The following CAMK1D variants were observed in gnomAD, a reference collection of about 807,000 sequenced individuals.
CAMK1D encodes the protein calcium/calmodulin-dependent protein kinase type 1D.
CAMK1D carries 9 observed loss-of-function variants against 47.7 expected under a neutral mutation model. The observed-to-expected ratio is 0.19, with a 90% CI of 0.11 to 0.33. CAMK1D has a LOEUF of 0.33. CAMK1D is among the 10% of genes least tolerant of loss of function. CAMK1D has a pLI of 1.00. For synonymous variants in CAMK1D, 184 were observed against 184.9 expected, an observed-to-expected ratio of 0.99 and a Z score of 0.04; for missense variants, 291 against 488.7, an observed-to-expected ratio of 0.60 and a Z score of 3.81.
chr10:12,415,813 TC>T (rs1839828301), intron 1 of CAMK1D: 1 of 151,826 alleles, frequency 6.6e-6, no homozygotes, highest in African/African-American at 2.4e-5. Flanking sequence ...CTTTTTTTTT[TC>T]TTTTTTTCTG....
Position 12,385,089 on chromosome 10 carries a change from A to G in CAMK1D, c.92+35179A>G, listed in dbSNP as rs556372669. On this transcript the variant is annotated intron_variant, in intron 1 of 10. Transcript: ENST00000619168. ...TACCCGCTAGGATGACTGTAATAAA[A>G]AGATAGATAATAACAAGTGTTGGTG... is the stretch of plus-strand genomic sequence containing the variant. 3.3e-5 allele frequency among the ~76,000 whole-genome samples: 5 copies of G among 152,348 alleles called. No homozygotes were observed. The South Asian group carries it at 1.0e-3, about 32-fold the overall frequency.
At chr10:12,360,222 G>A (rs983590981) in intron 1 of CAMK1D, among the ~76,000 whole-genome samples, 14 of 152,118 alleles carry the variant, frequency 9.2e-5, no homozygotes, top group African/African-American at 3.4e-4. Context: ...AATTGGATTT[G>A]GTGCTGTAAA....
At chr10:12,372,007 C>G (rs1213048647) in intron 1 of CAMK1D, among the ~76,000 whole-genome samples, 1 of 152,112 alleles carries the variant, frequency 6.6e-6, no homozygotes, top group African/African-American at 2.4e-5. Context: ...GCACCTTTTC[C>G]GTATCTTGAT....
chr10:12,352,346 A>G (rs1837378483), intron 1 of CAMK1D, among the ~76,000 whole-genome samples: 1 of 152,182 alleles, frequency 6.6e-6, no homozygotes, highest in African/African-American at 2.4e-5. Flanking sequence ...GTGGTGGCTC[A>G]CACCTGTAAT....
At chr10:12,649,572 A>C (rs1839903441) in intron 2 of CAMK1D, among the ~76,000 whole-genome samples, 7 of 152,212 alleles carry the variant, frequency 4.6e-5, no homozygotes, top group African/African-American at 1.7e-4. Flanking sequence ...CTAATTCTGG[A>C]GATATAGGAA....
chr10:12,717,559 C>G (rs139898068), intron 3 of CAMK1D, among the ~76,000 whole-genome samples: 1 of 151,736 alleles, frequency 6.6e-6, no homozygotes, highest in East Asian at 1.9e-4. Flanking sequence ...TTTGACCAGC[C>G]CAGGCAACAT....
At chr10:12,371,756 C>T (rs967187058) in intron 1 of CAMK1D, among the ~76,000 whole-genome samples, 14 of 151,530 alleles carry the variant, frequency 9.2e-5, no homozygotes, top group African/African-American at 1.5e-4. Context: ...ATTAGCTGGG[C>T]GTGGTGGTCA....
In CAMK1D at chr10:12,703,977, T is replaced by C. The variant is rs186997009; in HGVS notation, c.299+37167T>C. Among the ~76,000 whole-genome samples, 599 of 152,300 alleles carry C rather than the reference T, an allele frequency of 3.9e-3. 7 individuals are homozygous for C. Among genetic ancestry groups the C allele is most frequent in the African/African-American group, 0.013 (553 of 41,560 alleles). ...AGGTTTGCATTCCATAGATGAATCA[T>C]GCAGGGTTGCATACTTGAGTCACTC... On this transcript the variant is annotated intron_variant, in intron 3 of 10. Coordinates refer to ENST00000619168, the MANE Select transcript of CAMK1D (RefSeq NM_153498.4).
intron 1 of CAMK1D, among the ~76,000 whole-genome samples, chr10:12,390,174 T>G (rs993600410): frequency 1.3e-5 from 2 of 152,202 alleles, no homozygotes; most frequent in Non-Finnish European, 2.9e-5. Flanking sequence ...TGCAAAATTT[T>G]CATACTGCAT....
intron 3 of CAMK1D, among the ~76,000 whole-genome samples, chr10:12,723,183 G>C (rs1834471816): frequency 6.6e-6 from 1 of 152,166 alleles, no homozygotes; most frequent in African/African-American, 2.4e-5. Flanking sequence ...AATTAATTGA[G>C]AATTTATCAT....
intron 1 of CAMK1D, among the ~76,000 whole-genome samples, chr10:12,538,547 T>G (rs1380991823): frequency 1.3e-5 from 2 of 152,196 alleles, no homozygotes; most frequent in African/African-American, 4.8e-5. Flanking sequence ...TACATTTTTG[T>G]GTGTATGGTT....
At chr10:12,632,633 A>C (rs373354520) in intron 2 of CAMK1D, among the ~76,000 whole-genome samples, 1 of 152,228 alleles carries the variant, frequency 6.6e-6, no homozygotes, top group African/African-American at 2.4e-5. Flanking sequence ...TGAAACTCCA[A>C]GAGTTTGGAG....
intron 2 of CAMK1D, among the ~76,000 whole-genome samples, chr10:12,593,904 C>T (rs185330086): frequency 3.9e-5 from 6 of 152,176 alleles, no homozygotes; most frequent in Non-Finnish European, 8.8e-5. Flanking sequence ...TGGCCAGGCG[C>T]GGTGGCTCAC....
chr10:12,518,418 T>A (rs1460031888), intron 1 of CAMK1D, among the ~76,000 whole-genome samples: 1 of 152,246 alleles, frequency 6.6e-6, no homozygotes, highest in Non-Finnish European at 1.5e-5. Context: ...CATAATGTTC[T>A]TTTATTAGCC....
In CAMK1D at chr10:12,628,096, A is replaced by AC. The variant is rs768077444; in HGVS notation, c.225-38639dup. ...ACTCTGTCTCAAAAAAAAACAAAAA[A>AC]CAAAAAACAAAACAAAACTGAGTTT... On this transcript the variant is annotated intron_variant, in intron 2 of 10. Transcript: ENST00000619168. Among the ~76,000 whole-genome samples, 105 of 149,806 alleles carry AC rather than the reference A, an allele frequency of 7.0e-4. 1 individual carries two copies. Among genetic ancestry groups the AC allele is most frequent in the Non-Finnish European group, 7.7e-4 (52 of 67,524 alleles).
In CAMK1D at chr10:12,833,370, A is replaced by G. The variant is rs1173782168; in HGVS notation, c.*4483A>G. On this transcript the variant is annotated 3_prime_UTR_variant, in exon 11 of 11. Coordinates refer to ENST00000619168, the MANE Select transcript of CAMK1D (RefSeq NM_153498.4). ...AGTGGATTGATCCTCTCCCCTGTGG[A>G]ATGACAGCTTAACCTGATTAACCCA... 6.6e-6 allele frequency: 1 copy of G among 152,292 alleles called. No individual in the cohort carries two copies. The highest frequency in any genetic ancestry group is 1.5e-5 in the Non-Finnish European group (1 of 68,078). 9.4% of individuals were successfully genotyped at this position (152,292 alleles called of 1,614,324 possible). A position where few individuals can be genotyped will look rare whatever the true frequency, so the allele number is the denominator to read the frequency against.
intron 2 of CAMK1D, among the ~76,000 whole-genome samples, chr10:12,628,589 C>A (rs576057322): frequency 1.3e-5 from 2 of 152,054 alleles, no homozygotes; most frequent in Non-Finnish European, 2.9e-5. Flanking sequence ...TATTGATGAG[C>A]GGTACATTTG....
intron 1 of CAMK1D, among the ~76,000 whole-genome samples, chr10:12,370,006 ATTAT>A (rs1442214958): frequency 6.0e-5 from 9 of 150,526 alleles, no homozygotes; most frequent in South Asian, 4.2e-4. Context: ...AAATTATTTT[ATTAT>A]TTATTATTTA....
intron 1 of CAMK1D, among the ~76,000 whole-genome samples, chr10:12,492,542 C>G (rs1834418968): frequency 6.6e-6 from 1 of 152,014 alleles, no homozygotes; most frequent in African/African-American, 2.4e-5. Context: ...ACCTGTAATC[C>G]CAGCTACTTG....
Sources: gnomAD v4.1 joint callset for allele counts (sites outside exome capture counted in the v4.1 genomes callset) on GRCh38, gnomAD v4.1.1 for gene constraint, MANE v1.5 for transcripts, NCBI Gene and HGNC (gene_info 2026-07-23, HGNC 2026-07-21) for gene names.